Variants in IL1R2 observed in about 807,000 individuals in gnomAD.
IL1R2 encodes the protein interleukin-1 receptor type 2.
Under a neutral mutation model 39.5 loss-of-function variants are expected in IL1R2, and 46 were observed. The ratio of observed to expected loss-of-function variants is 1.16; its 90% confidence interval spans 0.92 to 1.49. The LOEUF is 1.49. Among genes scored for constraint, IL1R2 ranks in the 40% most tolerant of loss-of-function variants. IL1R2 has a pLI of 0.00. For synonymous variants in IL1R2, 207 were observed against 189.6 expected (o/e 1.09, Z -0.75); for missense variants, 537 against 502.0 (o/e 1.07, Z -0.67).
chr2:102,024,823 A>AT, intron 7 of IL1R2, 155 bp downstream of exon 7: 1 of 983,048 alleles, frequency 1.0e-6, no homozygotes, highest in Non-Finnish European at 1.4e-6. Context: ...ATTTTGCTAA[A>AT]AATTATCTTG....
chr2:102,026,298 T>C (rs757713985), intron 8 of IL1R2, 45 bp downstream of exon 8: 2 of 1,435,684 alleles, frequency 1.4e-6, no homozygotes, highest in East Asian at 4.6e-5. Context: ...TATAACATGT[T>C]GAATGTTCCA....
At chr2:102,026,706 G>T (rs1460842017) in intron 8 of IL1R2, among the ~76,000 whole-genome samples, 1 of 152,050 alleles carries the variant, frequency 6.6e-6, no homozygotes, top group Admixed American at 6.5e-5. Context: ...CCGGAAATAG[G>T]TACAAGGCTA....
intron 8 of IL1R2, among the ~76,000 whole-genome samples, chr2:102,027,615 T>C (rs1364175628): frequency 6.6e-6 from 1 of 152,198 alleles, no homozygotes; most frequent in African/African-American, 2.4e-5. Flanking sequence ...CTAAACAGAC[T>C]GTGATAGATA....
chr2:102,018,848 A>G (rs747821656), intron 4 of IL1R2, among the ~76,000 whole-genome samples: 5 of 152,198 alleles, frequency 3.3e-5, no homozygotes, highest in Non-Finnish European at 7.3e-5. Context: ...ACAATGAAAT[A>G]TCTCCTTTCA....
rs3218955 is a variant in IL1R2, at chr2:102,021,596, G to T, written c.689-591G>T. Reference sequence around the variant, plus strand: ...CCCAAAGTGCCGGGATTACAGGCGTGAGCCACTGCACCCGGCCACCTCCTT... The same window carrying T: ...CCCAAAGTGCCGGGATTACAGGCGTTAGCCACTGCACCCGGCCACCTCCTT... On this transcript the variant is annotated intron_variant, in intron 5 of 8. Transcript: ENST00000332549. Among the ~76,000 whole-genome samples the T allele has an allele frequency of 9.3e-4, 142 of 152,334 alleles. 1 individual carries two copies. Among genetic ancestry groups the T allele is most frequent in the African/African-American group, 3.4e-3 (141 of 41,588 alleles).
At chr2:101,995,120 A>G (rs551416352) in intron 1 of IL1R2, among the ~76,000 whole-genome samples, 160 of 152,314 alleles carry the variant, frequency 1.1e-3, no homozygotes, top group African/African-American at 3.3e-3. Flanking sequence ...TAGGTTCTCA[A>G]TCAGTTGACT....
chr2:102,009,067 A>G (rs982066718), intron 2 of IL1R2, among the ~76,000 whole-genome samples: 3 of 152,128 alleles, frequency 2.0e-5, no homozygotes, highest in South Asian at 2.1e-4. Context: ...AAGAAAAAAG[A>G]AAAGAAAAGG....
intron 1 of IL1R2, among the ~76,000 whole-genome samples, chr2:102,006,838 C>T (rs753818389): frequency 3.3e-5 from 5 of 152,290 alleles, no homozygotes; most frequent in East Asian, 1.9e-4. Flanking sequence ...CTTGCTGTGT[C>T]GGATGGAATG....
At chr2:102,025,810 G>T (rs531988149) in intron 7 of IL1R2, among the ~76,000 whole-genome samples, 31 of 151,380 alleles carry the variant, frequency 2.0e-4, no homozygotes, top group South Asian at 4.2e-4. Flanking sequence ...GTTTTTTTTT[G>T]TTGTTGTTGT....
intron 3 of IL1R2, among the ~76,000 whole-genome samples, chr2:102,010,952 G>A (rs1676592858): frequency 6.6e-6 from 1 of 152,118 alleles, no homozygotes; most frequent in Non-Finnish European, 1.5e-5. Context: ...CTATGATTTT[G>A]ACGACTCTAG....
chr2:102,009,671 C>T lies in IL1R2; in HGVS notation c.177C>T (p.Ala59=). 4.3e-6 allele frequency: 7 copies of T among 1,614,178 alleles called. No homozygotes were observed. Among genetic ancestry groups the T allele is most frequent in the Middle Eastern group, 1.6e-4 (1 of 6,062 alleles). ...RCPQVPYWLW[A]SVSPRINLTW... ...CCCAGGTGCCCTACTGGTTGTGGGCCTCTGTCAGCCCCCGCATCAACCTGA... is the reference window on the plus strand; with the variant it reads ...CCCAGGTGCCCTACTGGTTGTGGGCTTCTGTCAGCCCCCGCATCAACCTGA... Residue 59 remains alanine, a synonymous_variant, in exon 3 of 9, where the codon GCC becomes GCT. Transcript: ENST00000332549.
Position 102,012,537 on chromosome 2 carries a change from CTG to C in IL1R2, c.332+2730_332+2731del, listed in dbSNP as rs140697767. On this transcript the variant is annotated intron_variant, in intron 3 of 8. Transcript: ENST00000332549. Reference sequence around the variant, plus strand: ...GGAGATATGAGGTAGAGGGTGCCCTCTGTGTGTGTGTGTGTGTGTGCATGTGC... The same window carrying C: ...GGAGATATGAGGTAGAGGGTGCCCTCTGTGTGTGTGTGTGTGTGCATGTGC... Among the ~76,000 whole-genome samples, 1,125 of 148,626 alleles carry C rather than the reference CTG, an allele frequency of 7.6e-3. 14 individuals are homozygous for C. Among genetic ancestry groups the C allele is most frequent in the African/African-American group, 0.026 (1,055 of 40,694 alleles).
At chr2:102,007,873 T>A (rs890991738) in intron 1 of IL1R2, among the ~76,000 whole-genome samples, 8 of 152,230 alleles carry the variant, frequency 5.3e-5, no homozygotes, top group African/African-American at 1.9e-4. Context: ...GGAGAATTTT[T>A]AAAATCTTTT....
rs946498756 is a variant in IL1R2, at chr2:102,028,401, G to C, written c.*9G>C. The C allele has an allele frequency of 6.3e-7, 1 of 1,575,110 alleles. No homozygotes were observed. Among genetic ancestry groups the C allele is most frequent in the South Asian group, 1.2e-5 (1 of 85,654 alleles). On this transcript the variant is annotated 3_prime_UTR_variant, in exon 9 of 9. Transcript: ENST00000332549. ...AATCCTATCCCAAGTGAAATAAATG[G>C]AATGAAATAATTCAAACACAAACTC...
chr2:102,005,457 C>T (rs149895851), intron 1 of IL1R2, among the ~76,000 whole-genome samples: 1 of 152,144 alleles, frequency 6.6e-6, no homozygotes, highest in African/African-American at 2.4e-5. Context: ...CTTGGCTGTG[C>T]GTGACAGAAA....
chr2:102,010,921 C>T (rs1265959367), intron 3 of IL1R2, among the ~76,000 whole-genome samples: 1 of 152,180 alleles, frequency 6.6e-6, no homozygotes, highest in Non-Finnish European at 1.5e-5. Context: ...CCTCAGGCAA[C>T]CACCACTGTA....
chr2:102,025,473 C>A (rs147238497), intron 7 of IL1R2, among the ~76,000 whole-genome samples: 1 of 152,184 alleles, frequency 6.6e-6, no homozygotes, highest in African/African-American at 2.4e-5. Flanking sequence ...CTCATATGAT[C>A]CACTTACTTA....
At chr2:102,020,738 T>C (rs1055053393) in intron 5 of IL1R2, among the ~76,000 whole-genome samples, 1 of 152,208 alleles carries the variant, frequency 6.6e-6, no homozygotes, top group African/African-American at 2.4e-5. Flanking sequence ...TCAGGTCTCC[T>C]GAGGCTTTCC....
At chr2:102,001,142 G>A (rs189572983) in intron 1 of IL1R2, among the ~76,000 whole-genome samples, 57 of 152,336 alleles carry the variant, frequency 3.7e-4, no homozygotes, top group Admixed American at 3.1e-3. Flanking sequence ...CAGACTCACA[G>A]GGAATGGAAT....
Sources: allele counts gnomAD v4.1 joint callset (sites outside exome capture counted in the v4.1 genomes callset), GRCh38; gene constraint gnomAD v4.1.1; transcripts MANE v1.5; gene names NCBI Gene and HGNC (gene_info 2026-07-23, HGNC 2026-07-21).